The following BRD10 variants were observed in gnomAD, a reference collection of about 807,000 sequenced individuals.
The protein encoded by BRD10 is uncharacterized bromodomain-containing protein 10.
At chr9:5,964,270 G>C in the BRD10 span, among the ~76,000 whole-genome samples, 1,601 of 147,222 alleles carry the variant, frequency 0.011, 19 homozygotes, top group African/African-American at 0.034. Flanking sequence ...CTTCTCAAAA[G>C]AAGACATTTA....
At chr9:5,988,232 T>A in the BRD10 span, 1 of 708,956 alleles carries the variant, frequency 1.4e-6, no homozygotes, top group South Asian at 1.8e-5. Context: ...CATTATGAAT[T>A]CATACTTTTG....
At chr9:5,883,995 G>C in the BRD10 span, among the ~76,000 whole-genome samples, 17 of 152,294 alleles carry the variant, frequency 1.1e-4, no homozygotes, top group African/African-American at 4.1e-4. Flanking sequence ...GACTGATGTT[G>C]ACAGTCTTAC....
At chr9:6,008,454 C>T in the BRD10 span, among the ~76,000 whole-genome samples, 1 of 152,154 alleles carries the variant, frequency 6.6e-6, no homozygotes, top group East Asian at 1.9e-4. Flanking sequence ...AAGAAAGAGG[C>T]CCTGTCGCCA....
At chr9:6,000,061 T>C in the BRD10 span, among the ~76,000 whole-genome samples, 1 of 152,164 alleles carries the variant, frequency 6.6e-6, no homozygotes, top group Non-Finnish European at 1.5e-5. Flanking sequence ...TATTGTAGAA[T>C]ATCTAGGACA....
chr9:5,955,600 AATGAAATCCATGTATACT>A, the BRD10 span, among the ~76,000 whole-genome samples: 1 of 150,686 alleles, frequency 6.6e-6, no homozygotes, highest in Non-Finnish European at 1.5e-5. Context: ...CTTTTGGCTC[AATGAAATCCATGTATACT>A]ATGACTGAAC....
the BRD10 span, among the ~76,000 whole-genome samples, chr9:5,938,180 AT>A: frequency 6.6e-6 from 1 of 152,216 alleles, no homozygotes; most frequent in East Asian, 1.9e-4. Flanking sequence ...CTAATTAAAA[AT>A]AAAAATTTTA....
At chr9:5,961,724 C>A in the BRD10 span, among the ~76,000 whole-genome samples, 1 of 151,876 alleles carries the variant, frequency 6.6e-6, no homozygotes, top group Non-Finnish European at 1.5e-5. Context: ...AAGGAACAGG[C>A]CTAAATGAGT....
chr9:5,976,265 T>G, the BRD10 span, among the ~76,000 whole-genome samples: 1 of 152,246 alleles, frequency 6.6e-6, no homozygotes, highest in Non-Finnish European at 1.5e-5. Context: ...CACGTTTATG[T>G]TAAATTTATA....
At chr9:5,918,752 G>T in the BRD10 span, among the ~76,000 whole-genome samples, 1 of 149,746 alleles carries the variant, frequency 6.7e-6, no homozygotes, top group East Asian at 1.9e-4. Flanking sequence ...TTGAGCTCAG[G>T]AGGTGGAGGT....
chr9:5,920,586 T>G, the BRD10 span: 12 of 1,614,008 alleles, frequency 7.4e-6, no homozygotes, highest in Non-Finnish European at 2.5e-6. Context: ...TGAGGTTTAT[T>G]TGTGTTTACA....
At chr9:5,901,173 AG>A in the BRD10 span, among the ~76,000 whole-genome samples, 2 of 152,136 alleles carry the variant, frequency 1.3e-5, no homozygotes, top group Non-Finnish European at 2.9e-5. Flanking sequence ...TGACAAGGGC[AG>A]TTTTATTTTT....
the BRD10 span, among the ~76,000 whole-genome samples, chr9:5,916,881 A>G: frequency 2.3e-4 from 35 of 152,268 alleles, no homozygotes; most frequent in African/African-American, 7.9e-4. Context: ...TAATAACACT[A>G]AACACAATGA....
the BRD10 span, among the ~76,000 whole-genome samples, chr9:5,940,592 T>A: frequency 2.0e-5 from 3 of 152,216 alleles, no homozygotes; most frequent in Non-Finnish European, 4.4e-5. Flanking sequence ...GTTAATATTG[T>A]TTAGTTAGTC....
chr9:5,961,639 T>C, the BRD10 span, among the ~76,000 whole-genome samples: 1 of 150,682 alleles, frequency 6.6e-6, no homozygotes, highest in Non-Finnish European at 1.5e-5. Context: ...AATAAAAACA[T>C]AGGATCAAGC....
chr9:5,931,267 G>A, the BRD10 span, among the ~76,000 whole-genome samples: 6 of 152,182 alleles, frequency 3.9e-5, no homozygotes, highest in Non-Finnish European at 2.9e-5. Context: ...CCTTACTTAG[G>A]CCTAGGTAGA....
the BRD10 span, chr9:6,007,225 A>T: frequency 6.2e-7 from 1 of 1,613,636 alleles, no homozygotes; most frequent in South Asian, 1.1e-5. Flanking sequence ...CTGCTCCAGC[A>T]TCATCTCCAG....
the BRD10 span, chr9:5,920,407 G>A: frequency 5.0e-6 from 8 of 1,613,898 alleles, no homozygotes; most frequent in Admixed American, 3.3e-5. Flanking sequence ...ACTGACTCCC[G>A]ACTAGACTAG....
the BRD10 span, among the ~76,000 whole-genome samples, chr9:5,956,977 G>A: frequency 2.6e-5 from 4 of 152,084 alleles, no homozygotes. Context: ...GGTAGGAAAA[G>A]GGATGCAGGT....
chr9:5,990,211 T>C, the BRD10 span, among the ~76,000 whole-genome samples: 29,307 of 152,216 alleles, frequency 0.19, 3,045 homozygotes, highest in Middle Eastern at 0.3. Flanking sequence ...CCAGGGAAGA[T>C]AGCCAACTGG....
Sources: gnomAD v4.1 joint callset for allele counts (sites outside exome capture counted in the v4.1 genomes callset) on GRCh38, gnomAD v4.1.1 for gene constraint, MANE v1.5 for transcripts, NCBI Gene and HGNC (gene_info 2026-07-23, HGNC 2026-07-21) for gene names.